JRK: variants seen among roughly 807,000 people sequenced by gnomAD.
JRK encodes Jrk helix-turn-helix protein.
For missense variants in JRK, 720 were observed against 509.2 expected (o/e 1.41, Z -3.98); for synonymous variants, 303 against 218.1 (o/e 1.39, Z -3.43).
Position 142,662,663 on chromosome 8 carries a change from A to G in JRK, c.*1689T>C. ...GGACATAGATAGGGCTCTGTCAGCA[A>G]TGACTTTTGCCCCTGTATCTACAGA... On this transcript the variant is annotated 3_prime_UTR_variant, in exon 2 of 2. Coordinates refer to ENST00000612905, the MANE Select transcript of JRK (RefSeq NM_003724.4). 1.0e-6 allele frequency: 1 copy of G among 985,472 alleles called. No individual in the cohort carries two copies. The highest frequency in any genetic ancestry group is 1.2e-6 in the Non-Finnish European group (1 of 829,936). The allele number at this position is 985,472 out of a possible 1,614,324, so 61.0% of individuals were successfully genotyped here.
the JRK span, among the ~76,000 whole-genome samples, chr8:142,649,181 T>C: frequency 1.3e-5 from 2 of 152,184 alleles, no homozygotes; most frequent in Non-Finnish European, 2.9e-5. Flanking sequence ...GACTGGACTG[T>C]TGACTTTTGA....
At chr8:142,653,604 TG>T (rs1257255521), downstream of JRK, among the ~76,000 whole-genome samples, 5 of 152,070 alleles carry the variant, frequency 3.3e-5, no homozygotes, top group Admixed American at 3.3e-4. Context: ...CTCGAGCTCC[TG>T]GGCTCAAGCA....
At chr8:142,648,529 G>C in the JRK span, among the ~76,000 whole-genome samples, 1 of 152,228 alleles carries the variant, frequency 6.6e-6, no homozygotes, top group Non-Finnish European at 1.5e-5. Context: ...CCCAAGCCTT[G>C]GCAGTTTCCA....
rs1454531158 is a variant in JRK, at chr8:142,663,954, C to T, written c.*398G>A. 1 of 1,010,242 alleles carries T rather than the reference C, an allele frequency of 9.9e-7. No individual in the cohort carries two copies. Among genetic ancestry groups the T allele is most frequent in the Non-Finnish European group, 1.2e-6 (1 of 846,992 alleles). The allele number at this position is 1,010,242 out of a possible 1,614,324, so 62.6% of individuals were successfully genotyped here. Reference sequence around the variant, plus strand: ...GCGGTGGGCATGGCCTCCTGTCGGCCTGGAGGGCAACTTCTCTCCACGTGG... The same window carrying T: ...GCGGTGGGCATGGCCTCCTGTCGGCTTGGAGGGCAACTTCTCTCCACGTGG... On this transcript the variant is annotated 3_prime_UTR_variant, in exon 2 of 2. Coordinates refer to ENST00000612905, the MANE Select transcript of JRK (RefSeq NM_003724.4).
Position 142,665,954 on chromosome 8 carries a change from G to T in JRK, c.105C>A (p.Gly35=). 3 of 951,124 alleles carry T rather than the reference G, an allele frequency of 3.2e-6. No individual in the cohort carries two copies. The highest frequency in any genetic ancestry group is 5.2e-6 in the Non-Finnish European group (3 of 574,348). 58.9% of individuals were successfully genotyped at this position (951,124 alleles called of 1,614,324 possible). ...KIDICTRLEK[G]ESRKALMQEY... The stretch of plus-strand genomic sequence containing the variant: ...CCTGCATCAGTGCCTTCCGGCTCTC[G>T]CCCTTCTCCAGGCGCGTGCAGATGT... The change falls in exon 2 of 2, where the codon GGC becomes GGA. Residue 35 remains glycine, a synonymous_variant. Transcript: ENST00000612905.
Position 142,664,776 on chromosome 8 carries a change from C to A in JRK, c.1283G>T (p.Cys428Phe). 3 of 1,589,348 alleles carry A rather than the reference C, an allele frequency of 1.9e-6. No homozygotes were observed. The highest frequency in any genetic ancestry group is 2.6e-6 in the Non-Finnish European group (3 of 1,168,608). Reference protein sequence around the residue: ...ILELVKEGSSCPGQLRQRQAA... With the variant: ...ILELVKEGSSFPGQLRQRQAA... ...CTGGCGCTGGCGAAGCTGGCCCGGG[C>A]AGGAGGAGCCTTCCTTCACAAGCTC... is the stretch of plus-strand genomic sequence containing the variant. Residue 428 changes from cysteine (C) to phenylalanine (F), a missense_variant, in exon 2 of 2, where the codon TGC becomes TTC. Cys to Phe is a radical substitution (Grantham distance 205). Coordinates refer to ENST00000612905, the MANE Select transcript of JRK (RefSeq NM_003724.4).
chr8:142,667,098 C>T (rs587753039), intron 1 of JRK, among the ~76,000 whole-genome samples: 2 of 152,340 alleles, frequency 1.3e-5, no homozygotes, highest in African/African-American at 4.8e-5. Context: ...CGCCAAACTG[C>T]CTCTAGAAAA....
rs1847047475 is a variant in JRK at position 142,664,905 on chromosome 8, A to G, written c.1154T>C (p.Leu385Pro). 1 of 1,065,984 alleles carries G rather than the reference A, an allele frequency of 9.4e-7. No individual in the cohort carries two copies. The highest frequency in any genetic ancestry group is 1.5e-6 in the Non-Finnish European group (1 of 684,144). The allele number at this position is 1,065,984 out of a possible 1,614,324, so 66.0% of individuals were successfully genotyped here. Residue 385 changes from leucine to proline, a missense_variant, in exon 2 of 2, where the codon CTG becomes CCG. By Grantham distance (98) the Leu-to-Pro change is moderately conservative. Transcript: ENST00000612905. ...SHVFRRAWRK[L>P]WPSVAFAEGS... ...TTCGGCAAACGCAACCGACGGCCAC[A>G]GCTTCCTCCAGGCCCGCCTGAAGAC...
Position 142,663,681 on chromosome 8 carries a change from C to A in JRK, c.*671G>T. The stretch of plus-strand genomic sequence containing the variant: ...CCAAGTCAACTCTCCGTGGGGCCCC[C>A]CAACATCTTGGGGCCAGAGCCCATG... On this transcript the variant is annotated 3_prime_UTR_variant, in exon 2 of 2. Transcript: ENST00000612905. 4 of 985,464 alleles carry A rather than the reference C, an allele frequency of 4.1e-6. No individual in the cohort carries two copies. The highest frequency in any genetic ancestry group is 4.8e-6 in the Non-Finnish European group (4 of 829,942). The allele number at this position is 985,464 out of a possible 1,614,324, so 61.0% of individuals were successfully genotyped here.
chr8:142,654,941 C>T (rs915864870), downstream of JRK, among the ~76,000 whole-genome samples: 2 of 152,136 alleles, frequency 1.3e-5, no homozygotes, highest in Non-Finnish European at 2.9e-5. Context: ...AGCTCCTTGC[C>T]CTGCCAGCCT....
In JRK at chr8:142,665,186, G is replaced by A. The variant is rs1185152287; in HGVS notation, c.873C>T (p.Asp291=). 7 of 717,930 alleles carry A rather than the reference G, an allele frequency of 9.8e-6. No homozygotes were observed. The Admixed American group carries it at 1.2e-4, about 12-fold the overall frequency. 44.5% of individuals were successfully genotyped at this position (717,930 alleles called of 1,614,324 possible). ...EHFRTIGLPE[D]SKAVLLLDSS... is the part of the protein sequence containing the mutation. ...TGTCCAGCAAGAGAACGGCTTTGCT[G>A]TCTTCCGGCAAACCTATGGTTCTGA... The change falls in exon 2 of 2, where the codon GAC becomes GAT. Residue 291 remains aspartate, a synonymous_variant. Coordinates refer to ENST00000612905, the MANE Select transcript of JRK (RefSeq NM_003724.4).
At chr8:142,654,561 T>C (rs587689565), downstream of JRK, among the ~76,000 whole-genome samples, 30 of 151,846 alleles carry the variant, frequency 2.0e-4, no homozygotes, top group African/African-American at 7.0e-4. Flanking sequence ...AAGAGGGCTG[T>C]ACCCAGGGCT....
rs142113034 is a variant in JRK at position 142,660,368 on chromosome 8, G to A, written c.*3984C>T. 1.8e-4 allele frequency: 177 copies of A among 985,184 alleles called. No individual in the cohort carries two copies. In the African/African-American group the frequency reaches 2.9e-3, roughly 16 times the overall value. The allele number at this position is 985,184 out of a possible 1,614,324, so 61.0% of individuals were successfully genotyped here. On this transcript the variant is annotated 3_prime_UTR_variant, in exon 2 of 2. Transcript: ENST00000612905. ...CCCCTACCTACCTCATGACCTCCCCGACCCTGATCTCCACACCTGACCCCA... is the reference window on the plus strand; with the variant it reads ...CCCCTACCTACCTCATGACCTCCCCAACCCTGATCTCCACACCTGACCCCA...
Position 142,664,811 on chromosome 8 carries a change from T to C in JRK, c.1248A>G (p.Ala416=), listed in dbSNP as rs587603311. Residue 416 remains alanine (A), a synonymous_variant, in exon 2 of 2, where the codon GCA becomes GCG. Transcript: ENST00000612905. ...CTTCCTTCACAAGCTCCAGGATGTG[T>C]GCAAAGGACTTGTTGTGGGGCTTCA... ...FPVKPHNKSF[A]HILELVKEGS... The C allele has an allele frequency of 6.3e-7, 1 of 1,598,128 alleles. No homozygotes were observed. The highest frequency in any genetic ancestry group is 2.3e-5 in the East Asian group (1 of 44,204).
rs1554635916 is a variant in JRK at position 142,665,835 on chromosome 8, A to G, written c.224T>C (p.Leu75Pro). Residue 75 changes from leucine to proline, a missense_variant, in exon 2 of 2, where the codon CTG becomes CCG. Coordinates refer to ENST00000612905, the MANE Select transcript of JRK (RefSeq NM_003724.4). ...FFASSDSNKA[L>P]EQRRTLHTPK... is the part of the protein sequence containing the mutation. ...CGTGTGCAGCGTGCGCCGCTGCTCCAGCGCCTTGTTGGAGTCGGAGCTGGC... is the reference window on the plus strand; with the variant it reads ...CGTGTGCAGCGTGCGCCGCTGCTCCGGCGCCTTGTTGGAGTCGGAGCTGGC... The G allele has an allele frequency of 1.3e-6, 1 of 779,340 alleles. No homozygotes were observed. The highest frequency in any genetic ancestry group is 1.7e-5 in the Admixed American group (1 of 58,874). The allele number at this position is 779,340 out of a possible 1,614,324, so 48.3% of individuals were successfully genotyped here. A position where few individuals can be genotyped will look rare whatever the true frequency, so the allele number is the denominator to read the frequency against.
Position 142,661,606 on chromosome 8 carries a change from C to A in JRK, c.*2746G>T, listed in dbSNP as rs1354432698. 1.0e-6 allele frequency: 1 copy of A among 985,384 alleles called. No homozygotes were observed. 61.0% of individuals were successfully genotyped at this position (985,384 alleles called of 1,614,324 possible). On this transcript the variant is annotated 3_prime_UTR_variant, in exon 2 of 2. Transcript: ENST00000612905. ...TGAGAAGACAGGGAGTGGCTCCAGCCTGGTGCTCACAGATAAAACGCGGAG... is the reference window on the plus strand; with the variant it reads ...TGAGAAGACAGGGAGTGGCTCCAGCATGGTGCTCACAGATAAAACGCGGAG...
At chr8:142,656,845 C>G (rs587736247), downstream of JRK, among the ~76,000 whole-genome samples, 13 of 152,282 alleles carry the variant, frequency 8.5e-5, no homozygotes, top group Admixed American at 4.6e-4. Flanking sequence ...CTGGGCTTGC[C>G]TCTCAGTGTA....
At chr8:142,668,661 G>A (rs947832356) in intron 1 of JRK, among the ~76,000 whole-genome samples, 30 of 151,598 alleles carry the variant, frequency 2.0e-4, no homozygotes, top group African/African-American at 7.0e-4. Context: ...TCGCGGACAC[G>A]TCTCCATGCC....
chr8:142,652,833 G>A (rs587691464), downstream of JRK, among the ~76,000 whole-genome samples: 16 of 152,300 alleles, frequency 1.1e-4, no homozygotes, highest in Admixed American at 5.9e-4. Flanking sequence ...CATGCTGCAC[G>A]GTTATGCCAC....
Sources: gnomAD v4.1 joint callset for allele counts (sites outside exome capture counted in the v4.1 genomes callset) on GRCh38, gnomAD v4.1.1 for gene constraint, MANE v1.5 for transcripts, NCBI Gene and HGNC (gene_info 2026-07-23, HGNC 2026-07-21) for gene names.